The following CDH13 variants were observed in gnomAD, a reference collection of about 807,000 sequenced individuals.
CDH13 encodes the protein cadherin-13.
CDH13 carries 24 observed loss-of-function variants against 63.8 expected under a neutral mutation model. The observed-to-expected ratio is 0.38, with a 90% CI of 0.27 to 0.53. The LOEUF is 0.53. Among genes scored for constraint, CDH13 ranks in the 20% least tolerant of loss-of-function variants. The probability of loss-of-function intolerance (pLI) is 0.85; values close to 1 mark genes in which losing one functional copy is unlikely to be tolerated. For missense variants in CDH13, 1,049 were observed against 903.1 expected (o/e 1.16, Z -2.07); for synonymous variants, 503 against 355.3 (o/e 1.42, Z -4.67).
At chr16:82,754,044 G>A (rs1370470697) in intron 1 of CDH13, among the ~76,000 whole-genome samples, 5 of 152,172 alleles carry the variant, frequency 3.3e-5, no homozygotes, top group African/African-American at 1.2e-4. Flanking sequence ...CACGCTTCTG[G>A]AATGAAAAGT....
At chr16:83,346,886 TAAACCACCTC>T (rs1031899045) in intron 6 of CDH13, among the ~76,000 whole-genome samples, 2 of 152,182 alleles carry the variant, frequency 1.3e-5, no homozygotes, top group African/African-American at 2.4e-5. Flanking sequence ...CAGCAAAACA[TAAACCACCTC>T]AAATATCTAT....
intron 1 of CDH13, chr16:82,637,593 G>T (rs1366114004): frequency 8.6e-6 from 1 of 116,620 alleles, no homozygotes; most frequent in African/African-American, 2.7e-5. Flanking sequence ...ACAGCGCCCG[G>T]CTAATTTTTT....
chr16:82,773,925 A>T (rs769062169), intron 1 of CDH13, among the ~76,000 whole-genome samples: 10 of 151,922 alleles, frequency 6.6e-5, no homozygotes, highest in Non-Finnish European at 5.9e-5. Flanking sequence ...CTGGGATTAC[A>T]GCCACCCACC....
chr16:83,046,515 T>C (rs1917798147), intron 3 of CDH13, among the ~76,000 whole-genome samples: 1 of 152,212 alleles, frequency 6.6e-6, no homozygotes, highest in African/African-American at 2.4e-5. Context: ...TATACATCAA[T>C]ACATTAAAAC....
At chr16:83,445,590 A>C (rs1285185838) in intron 6 of CDH13, among the ~76,000 whole-genome samples, 2 of 152,134 alleles carry the variant, frequency 1.3e-5, no homozygotes, top group Non-Finnish European at 2.9e-5. Context: ...GAACTTTCAC[A>C]CTTGGCTTTA....
At chr16:83,788,465 A>ATTTTTT (rs11320143) in intron 13 of CDH13, among the ~76,000 whole-genome samples, 1 of 149,956 alleles carries the variant, frequency 6.7e-6, no homozygotes, top group African/African-American at 2.5e-5. Context: ...TAAACATTGA[A>ATTTTTT]TTTTTTTTTT....
intron 6 of CDH13, among the ~76,000 whole-genome samples, chr16:83,445,251 C>G (rs375667909): frequency 0.1 from 6,858 of 67,322 alleles, 483 homozygotes; most frequent in African/African-American, 0.15. Context: ...TTTATAAAAG[C>G]TTTTATAATT....
chr16:83,461,558 T>C (rs965196100), intron 6 of CDH13, among the ~76,000 whole-genome samples: 2 of 152,156 alleles, frequency 1.3e-5, no homozygotes, highest in African/African-American at 2.4e-5. Context: ...ACAAACAATA[T>C]TGGGGTCTTA....
chr16:82,885,887 A>G (rs1276530691), intron 2 of CDH13, among the ~76,000 whole-genome samples: 5 of 152,194 alleles, frequency 3.3e-5, no homozygotes, highest in Admixed American at 2.0e-4. Context: ...TCCATATAAG[A>G]TACTTGACAA....
intron 5 of CDH13, among the ~76,000 whole-genome samples, chr16:83,235,674 A>G (rs2040124303): frequency 1.3e-5 from 2 of 149,330 alleles, no homozygotes; most frequent in Admixed American, 1.3e-4. Flanking sequence ...TGTCTTTGGT[A>G]CCTTAAGATC....
intron 1 of CDH13, among the ~76,000 whole-genome samples, chr16:82,630,834 G>A (rs996701411): frequency 7.2e-5 from 11 of 152,162 alleles, no homozygotes; most frequent in African/African-American, 1.9e-4. Context: ...CTGTGTGCGC[G>A]TCTGAGTGAG....
chr16:83,252,799 C>A (rs768733123), intron 5 of CDH13, among the ~76,000 whole-genome samples: 11 of 152,104 alleles, frequency 7.2e-5, no homozygotes, highest in African/African-American at 2.2e-4. Flanking sequence ...GCCTGCCCCC[C>A]ACCCCAATAA....
intron 2 of CDH13, among the ~76,000 whole-genome samples, chr16:83,018,421 T>C (rs936607154): frequency 2.6e-4 from 39 of 152,208 alleles, no homozygotes; most frequent in African/African-American, 8.9e-4. Flanking sequence ...GATGAGTATG[T>C]TGAACTTTAG....
chr16:83,460,780 G>T (rs548181676), intron 6 of CDH13, among the ~76,000 whole-genome samples: 9 of 151,384 alleles, frequency 5.9e-5, no homozygotes, highest in Non-Finnish European at 1.3e-4. Context: ...GATTGCTTTA[G>T]CCTAGGATTT....
At chr16:83,019,788 G>A (rs1045408008) in intron 2 of CDH13, among the ~76,000 whole-genome samples, 5 of 146,084 alleles carry the variant, frequency 3.4e-5, no homozygotes, top group Non-Finnish European at 5.9e-5. Context: ...GAGCCACCAT[G>A]CCCGGCCAGT....
intron 1 of CDH13, among the ~76,000 whole-genome samples, chr16:82,790,326 T>G (rs577057000): frequency 1.3e-5 from 2 of 151,938 alleles, no homozygotes; most frequent in East Asian, 3.9e-4. Context: ...TCCTAACTAC[T>G]CAGGAGGTTG....
intron 2 of CDH13, among the ~76,000 whole-genome samples, chr16:82,902,293 T>A (rs1453622117): frequency 6.6e-6 from 1 of 151,888 alleles, no homozygotes; most frequent in African/African-American, 2.4e-5. Flanking sequence ...TCAAAACTAC[T>A]GGGGAGAAAG....
At chr16:83,586,196 CA>C (rs775695534) in intron 7 of CDH13, among the ~76,000 whole-genome samples, 7 of 152,214 alleles carry the variant, frequency 4.6e-5, no homozygotes, top group Admixed American at 2.0e-4. Context: ...GGAAGGTCCG[CA>C]GCCTGGGGCT....
chr16:83,634,292 C>T lies in CDH13; in HGVS notation c.1101+31698C>T, dbSNP rs78348074. 2.2e-3 allele frequency among the ~76,000 whole-genome samples: 341 copies of T among 152,286 alleles called. 6 individuals are homozygous for T. The highest frequency in any genetic ancestry group is 8.0e-3 in the African/African-American group (331 of 41,554). On this transcript the variant is annotated intron_variant, in intron 8 of 13. Coordinates refer to ENST00000567109, the MANE Select transcript of CDH13 (RefSeq NM_001257.5). ...ATTAGTTGTATTAACCTTCCCCTTACTCTTGGGCTTCTCCCCTGGCAATTA... is the reference window on the plus strand; with the variant it reads ...ATTAGTTGTATTAACCTTCCCCTTATTCTTGGGCTTCTCCCCTGGCAATTA...
Sources: allele counts gnomAD v4.1 joint callset (sites outside exome capture counted in the v4.1 genomes callset), GRCh38; gene constraint gnomAD v4.1.1; transcripts MANE v1.5; gene names NCBI Gene and HGNC (gene_info 2026-07-23, HGNC 2026-07-21).